Variants in PTPN14 observed in about 807,000 individuals in gnomAD.
PTPN14 encodes tyrosine-protein phosphatase non-receptor type 14.
Under a neutral mutation model 126.8 loss-of-function variants are expected in PTPN14, and 53 were observed. That is an observed-to-expected ratio of 0.42 (90% confidence interval 0.34 to 0.53). PTPN14 has a LOEUF of 0.53. PTPN14 is among the 20% of genes least tolerant of loss of function. The pLI is 0.08. For synonymous variants in PTPN14, 630 were observed against 599.3 expected (o/e 1.05, Z -0.75); for missense variants, 1,257 against 1,552.9 (o/e 0.81, Z 3.20).
Position 214,440,034 on chromosome 1 carries a change from G to C in PTPN14, c.344+11771C>G, listed in dbSNP as rs1304665316. Among the ~76,000 whole-genome samples the C allele has an allele frequency of 2.6e-5, 4 of 152,264 alleles. No homozygotes were observed. In the East Asian group the frequency reaches 7.7e-4, roughly 29 times the overall value. The stretch of plus-strand genomic sequence containing the variant: ...GTGTCTTAGCTGTTACAGCTAAGGG[G>C]AGGGGAGGGGAGGATTGGCAAAGAC... On this transcript the variant is annotated intron_variant, in intron 3 of 18. Transcript: ENST00000366956.
intron 13 of PTPN14, among the ~76,000 whole-genome samples, chr1:214,381,653 C>CCAAAG (rs1307590233): frequency 5.3e-5 from 8 of 152,206 alleles, no homozygotes; most frequent in African/African-American, 1.9e-4. Context: ...TTCCTTAAAA[C>CCAAAG]TTTGGGCCTT....
chr1:214,365,335 T>G (rs555396343), intron 17 of PTPN14, among the ~76,000 whole-genome samples: 69 of 152,278 alleles, frequency 4.5e-4, no homozygotes, highest in Middle Eastern at 3.4e-3. Flanking sequence ...AGCATCTGCT[T>G]GGCTCAGCAG....
chr1:214,505,438 T>C (rs1410974907), intron 1 of PTPN14, among the ~76,000 whole-genome samples: 1 of 151,950 alleles, frequency 6.6e-6, no homozygotes, highest in African/African-American at 2.4e-5. Context: ...CAACAGGAGA[T>C]GGCTGGTCCC....
intron 5 of PTPN14, among the ~76,000 whole-genome samples, chr1:214,410,803 T>C (rs1659290725): frequency 6.6e-6 from 1 of 152,120 alleles, no homozygotes; most frequent in Non-Finnish European, 1.5e-5. Flanking sequence ...TTCTTTTCCA[T>C]TGGTCATTGT....
At chr1:214,406,008 G>A (rs1480919635) in intron 5 of PTPN14, among the ~76,000 whole-genome samples, 3 of 152,154 alleles carry the variant, frequency 2.0e-5, no homozygotes, top group Admixed American at 6.5e-5. Context: ...AATGGGGCAG[G>A]GGCAGGGGCT....
chr1:214,410,396 G>A (rs12135779), intron 5 of PTPN14, among the ~76,000 whole-genome samples: 78,685 of 151,308 alleles, frequency 0.52, 20,486 homozygotes, highest in East Asian at 0.56. Flanking sequence ...GGGTTCAAGC[G>A]ATTCTCCTGC....
chr1:214,382,363 C>A (rs1658494325), intron 13 of PTPN14, among the ~76,000 whole-genome samples: 1 of 152,194 alleles, frequency 6.6e-6, no homozygotes. Flanking sequence ...GTCCTGTCAT[C>A]CAGGCTGGAG....
At chr1:214,539,916 C>T (rs1396422832) in intron 1 of PTPN14, among the ~76,000 whole-genome samples, 1 of 152,136 alleles carries the variant, frequency 6.6e-6, no homozygotes, top group East Asian at 1.9e-4. Flanking sequence ...ACAAATCATC[C>T]TCCCCAGCCT....
In PTPN14 at chr1:214,398,613, A is replaced by ATTTTTTTTT. The variant is rs56339386; in HGVS notation, c.670-621_670-613dup. Among the ~76,000 whole-genome samples, 78 of 108,892 alleles carry ATTTTTTTTT rather than the reference A, an allele frequency of 7.2e-4. 3 individuals carry two copies. The highest frequency in any genetic ancestry group is 5.3e-3 in the Middle Eastern group (1 of 188). 71.4% of individuals were successfully genotyped at this position (108,892 alleles called of 152,430 possible). ...AAGCATGCACCACCATGCCCTGCTA[A>ATTTTTTTTT]TTTTTTTTTTTTTTTTTTTTTTTAC... is the stretch of plus-strand genomic sequence containing the variant. On this transcript the variant is annotated intron_variant, in intron 7 of 18. Transcript: ENST00000366956.
intron 3 of PTPN14, among the ~76,000 whole-genome samples, chr1:214,446,521 G>T (rs13374272): frequency 6.6e-6 from 1 of 152,056 alleles, no homozygotes; most frequent in African/African-American, 2.4e-5. Flanking sequence ...AACCAATTTG[G>T]ACTTGATAAT....
In PTPN14 at chr1:214,448,228, A is replaced by G. The variant is rs1044138549; in HGVS notation, c.344+3577T>C. Among the ~76,000 whole-genome samples the G allele has an allele frequency of 2.6e-5, 4 of 152,024 alleles. No individual in the cohort carries two copies. The East Asian group carries it at 7.7e-4, about 29-fold the overall frequency. On this transcript the variant is annotated intron_variant, in intron 3 of 18. Transcript: ENST00000366956. ...TGAGTGTCAGAAACACCAGAGGAGT[A>G]CTATTCATTTTCTCTTTTTTGAGAT...
chr1:214,390,051 G>T (rs887880502), intron 11 of PTPN14, among the ~76,000 whole-genome samples: 4 of 152,096 alleles, frequency 2.6e-5, no homozygotes, highest in African/African-American at 9.7e-5. Context: ...TTCTCAAAAC[G>T]CTCCCTTCAA....
At position 214,356,558 on chromosome 1, in the gene PTPN14, A is replaced by G. The variant is rs1012988111; in HGVS notation, c.*1364T>C. ...TGGAAATTCAGAAGGACACTGACCA[A>G]TGAAGCCATAGGAAGAAACTAAGAA... On this transcript the variant is annotated 3_prime_UTR_variant, in exon 19 of 19. Transcript: ENST00000366956. The G allele has an allele frequency of 1.2e-4, 19 of 152,230 alleles. No individual in the cohort carries two copies. Among genetic ancestry groups the G allele is most frequent in the African/African-American group, 4.6e-4 (19 of 41,454 alleles). 9.4% of individuals were successfully genotyped at this position (152,230 alleles called of 1,614,324 possible).
chr1:214,402,552 T>C (rs1481799338), intron 6 of PTPN14, among the ~76,000 whole-genome samples: 1 of 150,526 alleles, frequency 6.6e-6, no homozygotes, highest in African/African-American at 2.4e-5. Flanking sequence ...TTTCTTTCCT[T>C]CACCTGCCTA....
intron 1 of PTPN14, among the ~76,000 whole-genome samples, chr1:214,534,859 T>C (rs79605081): frequency 2.6e-4 from 40 of 152,264 alleles, no homozygotes; most frequent in African/African-American, 9.4e-4. Flanking sequence ...CCAGTGAGTC[T>C]TGGCTTGGTC....
intron 11 of PTPN14, among the ~76,000 whole-genome samples, chr1:214,390,465 G>A (rs1056652960): frequency 3.3e-5 from 5 of 152,082 alleles, no homozygotes; most frequent in Non-Finnish European, 7.4e-5. Context: ...AAGTGCTTTG[G>A]AATTCTGATT....
intron 8 of PTPN14, among the ~76,000 whole-genome samples, chr1:214,395,332 TGGA>T (rs2102555253): frequency 6.6e-6 from 1 of 152,248 alleles, no homozygotes; most frequent in Non-Finnish European, 1.5e-5. Flanking sequence ...TTTTTAATGA[TGGA>T]GGAGCACATA....
intron 3 of PTPN14, among the ~76,000 whole-genome samples, chr1:214,432,272 G>T: frequency 6.6e-6 from 1 of 151,696 alleles, no homozygotes; most frequent in East Asian, 1.9e-4. Flanking sequence ...TCCCTTGAGA[G>T]CCTCAAACAT....
At chr1:214,523,847 A>ATTTT (rs1409694203) in intron 1 of PTPN14, among the ~76,000 whole-genome samples, 5 of 128,278 alleles carry the variant, frequency 3.9e-5, no homozygotes, top group African/African-American at 1.3e-4. Context: ...GAGTAATCAG[A>ATTTT]TTCTTTTTTT....
Sources: allele counts gnomAD v4.1 joint callset (sites outside exome capture counted in the v4.1 genomes callset), GRCh38; gene constraint gnomAD v4.1.1; transcripts MANE v1.5; gene names NCBI Gene and HGNC (gene_info 2026-07-23, HGNC 2026-07-21).